Variants in LARS1 observed in about 807,000 individuals in gnomAD.
LARS1 encodes the protein leucine--tRNA ligase, cytoplasmic.
Under a neutral mutation model 162.8 loss-of-function variants are expected in LARS1, and 100 were observed. The ratio of observed to expected loss-of-function variants is 0.61; its 90% confidence interval spans 0.52 to 0.73. The LOEUF is 0.73. LARS1 is among the 30% of genes least tolerant of loss of function. The pLI, the probability that LARS1 is intolerant of heterozygous loss-of-function variation, is 0.00. For synonymous variants in LARS1, 457 were observed against 462.8 expected (o/e 0.99, Z 0.16); for missense variants, 1,258 against 1,408.9 (o/e 0.89, Z 1.71).
rs1581072575 is a variant in LARS1 at position 146,164,447 on chromosome 5, A to T, written c.457T>A (p.Ser153Thr). The T allele has an allele frequency of 1.9e-6, 3 of 1,614,078 alleles. No homozygotes were observed. Among genetic ancestry groups the T allele is most frequent in the Non-Finnish European group, 2.5e-6 (3 of 1,179,958 alleles). The change falls in exon 6 of 32, where the codon TCT becomes ACT. Residue 153 changes from serine (S) to threonine (T), a missense_variant. Ser to Thr is a moderately conservative substitution (Grantham distance 58). Coordinates refer to ENST00000394434, the MANE Select transcript of LARS1 (RefSeq NM_020117.11). ...ATAATGCCCCACTGGTATTTAGAAGATCCAGCTTTAGCAGCAGCTTTACTC... is the reference window on the plus strand; with the variant it reads ...ATAATGCCCCACTGGTATTTAGAAGTTCCAGCTTTAGCAGCAGCTTTACTC... Reference protein sequence around the residue: ...KKSKAAAKAGSSKYQWGIMKS... With the variant: ...KKSKAAAKAGTSKYQWGIMKS...
At chr5:146,176,334 C>T (rs1754570771) in intron 2 of LARS1, among the ~76,000 whole-genome samples, 2 of 151,430 alleles carry the variant, frequency 1.3e-5, no homozygotes, top group African/African-American at 2.4e-5. Flanking sequence ...TGCCTGTAAT[C>T]CCAGCTACTA....
rs145618302 is a variant in LARS1 at position 146,158,787 on chromosome 5, T to C, written c.771+620A>G. Among the ~76,000 whole-genome samples the C allele has an allele frequency of 5.5e-3, 834 of 152,188 alleles. 5 individuals are homozygous for C. The highest frequency in any genetic ancestry group is 0.041 in the Middle Eastern group (12 of 294). ...ACATTAGCATGCATATACATCACAT[T>C]GAGAGCTCGTAAAAAGATATTCCTG... On this transcript the variant is annotated intron_variant, in intron 8 of 31. Transcript: ENST00000394434.
At chr5:146,154,858 T>C (rs985674435) in intron 10 of LARS1, among the ~76,000 whole-genome samples, 2 of 151,924 alleles carry the variant, frequency 1.3e-5, no homozygotes, top group African/African-American at 4.8e-5. Context: ...AGAGGAAAAA[T>C]AATTTTTTTT....
chr5:146,116,615 A>C (rs999885580), intron 31 of LARS1, among the ~76,000 whole-genome samples: 1 of 152,224 alleles, frequency 6.6e-6, no homozygotes, highest in Non-Finnish European at 1.5e-5. Flanking sequence ...GCAACTACAT[A>C]AGATTTAAGG....
rs927594016 is a variant in LARS1, at chr5:146,130,168, T to G, written c.2488-10A>C. The G allele has an allele frequency of 3.1e-6, 5 of 1,610,630 alleles. No homozygotes were observed. Among genetic ancestry groups the G allele is most frequent in the Non-Finnish European group, 4.2e-6 (5 of 1,178,776 alleles). Reference sequence around the variant, plus strand: ...ACTTATCTTTTGCGGCCTATAAAATTTGAAATTATTTACCATTTCCCTCAC... The same window carrying G: ...ACTTATCTTTTGCGGCCTATAAAATGTGAAATTATTTACCATTTCCCTCAC... On this transcript the variant is annotated splice_polypyrimidine_tract_variant and intron_variant, in intron 24 of 31. Coordinates refer to ENST00000394434, the MANE Select transcript of LARS1 (RefSeq NM_020117.11).
chr5:146,176,029 G>T (rs111930250), intron 2 of LARS1, among the ~76,000 whole-genome samples: 2 of 152,054 alleles, frequency 1.3e-5, no homozygotes, highest in Non-Finnish European at 2.9e-5. Flanking sequence ...GCGCATGCCT[G>T]TAGTCCCAGC....
intron 15 of LARS1, 96 bp downstream of exon 15, chr5:146,149,526 G>T: frequency 2.4e-6 from 2 of 835,504 alleles, no homozygotes; most frequent in Non-Finnish European, 4.0e-6. Context: ...TTTTATTATA[G>T]CTCCAGGTTC....
At chr5:146,136,854 T>C (rs751407447) in intron 21 of LARS1, among the ~76,000 whole-genome samples, 2 of 152,344 alleles carry the variant, frequency 1.3e-5, no homozygotes, top group East Asian at 1.9e-4. Context: ...TGTTACATAA[T>C]GCAATTTACA....
chr5:146,175,327 T>A (rs1754507576), intron 2 of LARS1, among the ~76,000 whole-genome samples: 1 of 134,442 alleles, frequency 7.4e-6, no homozygotes. Context: ...AGGCGGATCA[T>A]TTGAGTTTGA....
intron 22 of LARS1, among the ~76,000 whole-genome samples, chr5:146,133,753 G>C (rs1428955068): frequency 6.7e-6 from 1 of 149,870 alleles, no homozygotes; most frequent in East Asian, 2.0e-4. Context: ...TTTAGCTTTG[G>C]TGTCCAATCA....
intron 28 of LARS1, 28 bp downstream of exon 28, chr5:146,126,406 GT>G (rs760865073): frequency 1.6e-5 from 22 of 1,393,932 alleles, no homozygotes; most frequent in Non-Finnish European, 2.0e-5. Context: ...TGCTCATGTG[GT>G]CACAGCTGCA....
intron 21 of LARS1, among the ~76,000 whole-genome samples, chr5:146,136,216 AG>A (rs1752494347): frequency 6.6e-6 from 1 of 152,254 alleles, no homozygotes; most frequent in Admixed American, 6.5e-5. Flanking sequence ...TGCTGATATC[AG>A]AAGGAAATGA....
chr5:146,140,343 TAG>T (rs978841941), intron 20 of LARS1, 82 bp from the exon 21 acceptor site: 19 of 1,059,052 alleles, frequency 1.8e-5, no homozygotes, highest in Non-Finnish European at 2.6e-5. Context: ...TAAAAGCTAA[TAG>T]ACTCATAAAG....
At chr5:146,161,684 C>T (rs941785026) in intron 6 of LARS1, among the ~76,000 whole-genome samples, 4 of 150,374 alleles carry the variant, frequency 2.7e-5, no homozygotes, top group South Asian at 2.1e-4. Flanking sequence ...ACCCGGGAGG[C>T]GGAGGTTGCA....
At position 146,157,783 on chromosome 5, in the gene LARS1, G is replaced by C. The variant is rs761628062; in HGVS notation, c.784C>G (p.Gln262Glu). Residue 262 changes from glutamine (Q) to glutamate (E), a missense_variant, in exon 9 of 32, where the codon CAG (glutamine) becomes GAG (glutamate). Coordinates refer to ENST00000394434, the MANE Select transcript of LARS1 (RefSeq NM_020117.11). ...DRQTGEGVGP[Q>E]EYTLLKLKVL... Reference sequence around the variant, plus strand: ...TTCAATTTGAGTAAAGTATATTCCTGAGGTCCAACACCCTAAGCAAATAAA... The same window carrying C: ...TTCAATTTGAGTAAAGTATATTCCTCAGGTCCAACACCCTAAGCAAATAAA... 6.2e-7 allele frequency: 1 copy of C among 1,613,840 alleles called. No individual in the cohort carries two copies. The highest frequency in any genetic ancestry group is 1.3e-5 in the African/African-American group (1 of 74,890).
intron 31 of LARS1, among the ~76,000 whole-genome samples, chr5:146,115,034 T>A (rs943785233): frequency 7.4e-6 from 1 of 135,048 alleles, no homozygotes; most frequent in Admixed American, 7.9e-5. Flanking sequence ...CAGAGCAAGA[T>A]TCTGTCGGGG....
intron 4 of LARS1, among the ~76,000 whole-genome samples, chr5:146,170,102 T>C (rs1754195024): frequency 6.6e-6 from 1 of 152,076 alleles, no homozygotes; most frequent in South Asian, 2.1e-4. Flanking sequence ...AAAACATCAA[T>C]ATCACGACAA....
At chr5:146,179,161 G>A (rs1313654945) in intron 1 of LARS1, among the ~76,000 whole-genome samples, 1 of 152,140 alleles carries the variant, frequency 6.6e-6, no homozygotes, top group African/African-American at 2.4e-5. Flanking sequence ...GAACCCAAGA[G>A]GCGGTGGTTG....
intron 21 of LARS1, 25 bp from the exon 22 acceptor site, chr5:146,135,689 T>A: frequency 6.5e-7 from 1 of 1,545,206 alleles, no homozygotes; most frequent in Non-Finnish European, 8.8e-7. Context: ...CAGTGATCAA[T>A]CATTAATAAC....
Sources: gnomAD v4.1 joint callset for allele counts (sites outside exome capture counted in the v4.1 genomes callset) on GRCh38, gnomAD v4.1.1 for gene constraint, MANE v1.5 for transcripts, NCBI Gene and HGNC (gene_info 2026-07-23, HGNC 2026-07-21) for gene names.